The following PALLD variants were observed in gnomAD, a reference collection of about 807,000 sequenced individuals.
PALLD encodes the protein palladin, cytoskeletal associated protein, also known as palladin.
In PALLD, 61 loss-of-function variants were observed where a neutral mutation model predicts 123.5. The ratio of observed to expected loss-of-function variants is 0.49; its 90% CI spans 0.40 to 0.61. PALLD has a LOEUF of 0.61. Among genes scored for constraint, PALLD ranks in the 20% least tolerant of loss-of-function variants. The pLI is 0.00. For missense variants in PALLD, 1,273 were observed against 1,377.0 expected, an observed-to-expected ratio of 0.92 and a Z score of 1.20; for synonymous variants, 465 against 496.4, an observed-to-expected ratio of 0.94 and a Z score of 0.84.
intron 2 of PALLD, among the ~76,000 whole-genome samples, chr4:168,536,934 TCTC>T (rs1765157943): frequency 6.6e-6 from 1 of 151,954 alleles, no homozygotes; most frequent in Non-Finnish European, 1.5e-5. Flanking sequence ...TTCAAGCTAT[TCTC>T]CTGCCTCAGC....
intron 10 of PALLD, among the ~76,000 whole-genome samples, chr4:168,825,934 TA>T (rs1743361245): frequency 6.6e-6 from 1 of 152,224 alleles, no homozygotes; most frequent in Admixed American, 6.5e-5. Flanking sequence ...GGGATTAACG[TA>T]AAATCTGTAA....
rs193009460 is a variant in PALLD, at chr4:168,838,818, T to C, written c.1965-52104T>C. 3.3e-5 allele frequency among the ~76,000 whole-genome samples: 5 copies of C among 152,240 alleles called. No homozygotes were observed. The East Asian group carries it at 9.7e-4, about 29-fold the overall frequency. On this transcript the variant is annotated intron_variant, in intron 10 of 21. Coordinates refer to ENST00000505667, the MANE Select transcript of PALLD (RefSeq NM_001166108.2). The stretch of plus-strand genomic sequence containing the variant: ...TTTCATTTAAGCTTTTCGTCCTAAT[T>C]GTCACATTGTTCTCTCCCTTTTCTG...
chr4:168,891,190 T>C, intron 11 of PALLD, 133 bp downstream of exon 11: 1 of 936,076 alleles, frequency 1.1e-6, no homozygotes, highest in Middle Eastern at 2.1e-4. Context: ...TGAGACAGGG[T>C]CACACTTTGT....
chr4:168,702,275 G>A (rs1783750133), intron 8 of PALLD, among the ~76,000 whole-genome samples: 1 of 152,194 alleles, frequency 6.6e-6, no homozygotes, highest in South Asian at 2.1e-4. Flanking sequence ...CATCAGCTGG[G>A]TGTAGTGGCT....
intron 14 of PALLD, among the ~76,000 whole-genome samples, chr4:168,900,127 C>T (rs1481923255): frequency 2.0e-5 from 3 of 152,076 alleles, no homozygotes; most frequent in African/African-American, 7.2e-5. Flanking sequence ...AACCAGATCT[C>T]ATGTGAACTA....
intron 10 of PALLD, among the ~76,000 whole-genome samples, chr4:168,742,035 G>A (rs925255931): frequency 3.6e-4 from 55 of 152,310 alleles, no homozygotes; most frequent in African/African-American, 1.3e-3. Flanking sequence ...TCCAGTGCGG[G>A]CAAAAGCTGG....
At position 168,844,862 on chromosome 4, in the gene PALLD, CA is replaced by C. The variant is rs1746581376; in HGVS notation, c.1965-46059del. The C allele has an allele frequency of 6.6e-6, 1 of 152,228 alleles. No homozygotes were observed. The highest frequency in any genetic ancestry group is 2.4e-5 in the African/African-American group (1 of 41,438). The allele number at this position is 152,228 out of a possible 1,614,324, so 9.4% of individuals were successfully genotyped here. A position where few individuals can be genotyped will look rare whatever the true frequency, so the allele number is the denominator to read the frequency against. On this transcript the variant is annotated intron_variant, in intron 10 of 21. Transcript: ENST00000505667. The surrounding 1 kb of genome is among the most constrained non-coding windows in gnomAD (Gnocchi z 4.5). ...ATTCCCGACTAAGTAGGACATTGAC[CA>C]GGCCATCATGGGTTAGGCTCGGAAG... is the stretch of plus-strand genomic sequence containing the variant.
chr4:168,672,039 C>T (rs1041110683), intron 3 of PALLD, among the ~76,000 whole-genome samples: 1 of 152,218 alleles, frequency 6.6e-6, no homozygotes. Context: ...GAGCCAAGCA[C>T]TGTTCTTCAT....
chr4:168,762,057 C>G (rs1733019405), intron 10 of PALLD, among the ~76,000 whole-genome samples: 1 of 150,050 alleles, frequency 6.7e-6, no homozygotes, highest in African/African-American at 2.5e-5. Context: ...TTTTAATAGT[C>G]CATAAACATT....
intron 2 of PALLD, among the ~76,000 whole-genome samples, chr4:168,514,267 T>C (rs1217708796): frequency 6.6e-6 from 1 of 152,200 alleles, no homozygotes; most frequent in Non-Finnish European, 1.5e-5. Context: ...GATCCTTTGC[T>C]CACTAACACA....
intron 1 of PALLD, among the ~76,000 whole-genome samples, chr4:168,501,019 T>G (rs1452279152): frequency 6.6e-6 from 1 of 152,208 alleles, no homozygotes; most frequent in Non-Finnish European, 1.5e-5. Context: ...ATACCATGAA[T>G]CTAACAGAAT....
chr4:168,724,607 A>G (rs1220074427), intron 10 of PALLD, among the ~76,000 whole-genome samples: 1 of 152,268 alleles, frequency 6.6e-6, no homozygotes, highest in Non-Finnish European at 1.5e-5. Context: ...AGAATGATGA[A>G]CATATTAAAT....
At chr4:168,877,408 T>G (rs1434564045) in intron 10 of PALLD, among the ~76,000 whole-genome samples, 2 of 152,270 alleles carry the variant, frequency 1.3e-5, no homozygotes, top group Non-Finnish European at 2.9e-5. Context: ...TCTTAATATT[T>G]CTTGATCCGT....
intron 2 of PALLD, among the ~76,000 whole-genome samples, chr4:168,659,070 A>G (rs892514544): frequency 2.0e-5 from 3 of 152,248 alleles, no homozygotes; most frequent in Non-Finnish European, 4.4e-5. Context: ...AAATTAAGAA[A>G]TCTTTGGTGA....
intron 2 of PALLD, among the ~76,000 whole-genome samples, chr4:168,517,899 C>T (rs2149444517): frequency 6.6e-6 from 1 of 152,272 alleles, no homozygotes. Context: ...ATAGGTACAA[C>T]CAGTTTGGAG....
chr4:168,594,824 A>G (rs1366558418), intron 2 of PALLD, among the ~76,000 whole-genome samples: 1 of 152,102 alleles, frequency 6.6e-6, no homozygotes, highest in African/African-American at 2.4e-5. Context: ...GCTATTTTAC[A>G]CCCATAGTAT....
chr4:168,678,442 G>A (rs1781090260), intron 3 of PALLD, among the ~76,000 whole-genome samples: 1 of 152,180 alleles, frequency 6.6e-6, no homozygotes, highest in Admixed American at 6.5e-5. Flanking sequence ...CGTGAGTGCT[G>A]TAAACAAGAA....
chr4:168,688,837 C>T (rs935772115), intron 6 of PALLD, among the ~76,000 whole-genome samples: 4 of 151,998 alleles, frequency 2.6e-5, no homozygotes, highest in Non-Finnish European at 4.4e-5. Context: ...TGCCTCAAAG[C>T]TGAAGCATGA....
intron 2 of PALLD, among the ~76,000 whole-genome samples, chr4:168,581,981 CA>C (rs1156229428): frequency 6.6e-6 from 1 of 151,888 alleles, no homozygotes; most frequent in African/African-American, 2.4e-5. Context: ...TATAAATATC[CA>C]GTTTTTCTAG....
Sources: allele counts gnomAD v4.1 joint callset (sites outside exome capture counted in the v4.1 genomes callset), GRCh38; gene constraint gnomAD v4.1.1; non-coding constraint Gnocchi (gnomAD v3.1); transcripts MANE v1.5; gene names NCBI Gene and HGNC (gene_info 2026-07-23, HGNC 2026-07-21).